The following COL6A5 variants were observed in gnomAD, a reference collection of about 807,000 sequenced individuals.
The protein encoded by COL6A5 is collagen type VI alpha 5 chain.
COL6A5 carries 48 observed loss-of-function variants against 65.6 expected under a neutral mutation model. The ratio of observed to expected loss-of-function variants is 0.73; its 90% CI spans 0.58 to 0.93. The LOEUF is 0.93. Among genes scored for constraint, COL6A5 ranks in the 40% least tolerant of loss-of-function variants. The pLI, the probability that COL6A5 is intolerant of heterozygous loss-of-function variation, is 0.00. For synonymous variants in COL6A5, 291 were observed against 322.8 expected (o/e 0.90, Z 1.05); for missense variants, 914 against 928.3 (o/e 0.98, Z 0.20).
chr3:130,477,775 C>T (rs1388740375), intron 7 of COL6A5, among the ~76,000 whole-genome samples: 1 of 151,938 alleles, frequency 6.6e-6, no homozygotes, highest in African/African-American at 2.4e-5. Context: ...AATAGGGGTC[C>T]TTTCATTGGA....
At chr3:130,443,955 G>A (rs997212039) in intron 4 of COL6A5, among the ~76,000 whole-genome samples, 1 of 152,068 alleles carries the variant, frequency 6.6e-6, no homozygotes, top group Non-Finnish European at 1.5e-5. Context: ...TGGGACTCTT[G>A]CTCCATTCGG....
chr3:130,453,519 T>C (rs1709497669), intron 4 of COL6A5, among the ~76,000 whole-genome samples: 1 of 152,128 alleles, frequency 6.6e-6, no homozygotes, highest in African/African-American at 2.4e-5. Flanking sequence ...CTACATATGA[T>C]TCATGTTTCA....
At chr3:130,375,450 C>G (rs935883435) in intron 2 of COL6A5, among the ~76,000 whole-genome samples, 2 of 152,130 alleles carry the variant, frequency 1.3e-5, no homozygotes, top group African/African-American at 4.8e-5. Context: ...CTGCTTGTTC[C>G]CTGTCCTATC....
At chr3:130,408,101 A>G (rs532389336) in intron 17 of COL6A5, among the ~76,000 whole-genome samples, 1 of 152,304 alleles carries the variant, frequency 6.6e-6, no homozygotes, top group Non-Finnish European at 1.5e-5. Context: ...AAGACAGGAT[A>G]ACAGCGATTT....
chr3:130,476,225 A>G (rs995763459), intron 7 of COL6A5, among the ~76,000 whole-genome samples: 1 of 152,030 alleles, frequency 6.6e-6, no homozygotes, highest in Non-Finnish European at 1.5e-5. Flanking sequence ...TCCTCACATG[A>G]TAGAAAGAGG....
At chr3:130,349,544 C>G (rs1934625554) in intron 1 of COL6A5, among the ~76,000 whole-genome samples, 1 of 152,094 alleles carries the variant, frequency 6.6e-6, no homozygotes, top group Non-Finnish European at 1.5e-5. Context: ...AATCAGAAAA[C>G]ACAAAAATTT....
At chr3:130,424,080 G>A (rs1182600347) in intron 29 of COL6A5, among the ~76,000 whole-genome samples, 180 bp downstream of exon 29, 2 of 152,058 alleles carry the variant, frequency 1.3e-5, no homozygotes, top group Admixed American at 6.6e-5. Flanking sequence ...GACATATTCT[G>A]TCCTAACTAC....
intron 16 of COL6A5, 40 bp downstream of exon 16, chr3:130,406,215 G>T: frequency 6.5e-7 from 1 of 1,549,322 alleles, no homozygotes; most frequent in Non-Finnish European, 8.7e-7. Flanking sequence ...ACTGTCATGA[G>T]GTTGCTAAAA....
At chr3:130,421,350 C>A (rs776292131) in exon 27 of COL6A5, 1 of 1,550,458 alleles carries the variant, frequency 6.4e-7, no homozygotes, top group Admixed American at 2.0e-5. Context: ...CCTGGAGATG[C>A]GGGGCAGAAG....
At chr3:130,470,607 G>A (rs76464675) in intron 6 of COL6A5, among the ~76,000 whole-genome samples, 4,820 of 152,014 alleles carry the variant, frequency 0.032, 112 homozygotes, top group South Asian at 0.097. Flanking sequence ...AGAAAGAAAT[G>A]ATAGAAAGAA....
At chr3:130,383,897 C>T (rs1009054481) in intron 4 of COL6A5, among the ~76,000 whole-genome samples, 11 of 151,874 alleles carry the variant, frequency 7.2e-5, no homozygotes, top group Admixed American at 2.0e-4. Context: ...TGTGCCAGGC[C>T]TACTGGGCAG....
chr3:130,413,682 G>A lies in COL6A5; in HGVS notation c.4698+102G>A, dbSNP rs775967086. 39 of 1,189,060 alleles carry A rather than the reference G, an allele frequency of 3.3e-5. No homozygotes were observed. In the South Asian group the frequency reaches 4.7e-4, roughly 14 times the overall value. The allele number at this position is 1,189,060 out of a possible 1,614,324, so 73.7% of individuals were successfully genotyped here. A position where few individuals can be genotyped will look rare whatever the true frequency, so the allele number is the denominator to read the frequency against. On this transcript the variant is annotated intron_variant and NMD_transcript_variant, in intron 21 of 41. Coordinates refer to the COL6A5 transcript ENST00000312481. ...TCATATCAATGAGCATTTTACAAGG[G>A]TATAGGAAGTGCCCAGTACTGGACG...
intron 18 of COL6A5, 114 bp downstream of exon 18, chr3:130,409,502 G>A: frequency 1.2e-6 from 1 of 852,838 alleles, no homozygotes; most frequent in South Asian, 2.1e-5. Context: ...CTTAGGAGTA[G>A]GGGTGATAGG....
Position 130,405,020 on chromosome 3 carries a change from T to C in COL6A5, c.4282-568T>C, listed in dbSNP as rs144543331. Among the ~76,000 whole-genome samples, 526 of 152,350 alleles carry C rather than the reference T, an allele frequency of 3.5e-3. 5 individuals carry two copies. Among genetic ancestry groups the C allele is most frequent in the African/African-American group, 0.012 (503 of 41,586 alleles). ...TATTTCCTTGGAGAAGCAAGGTTGG[T>C]GGGAGACACACAAATCATTGACCTT... On this transcript the variant is annotated intron_variant and NMD_transcript_variant, in intron 13 of 41. Coordinates refer to the COL6A5 transcript ENST00000312481.
intron 5 of COL6A5, among the ~76,000 whole-genome samples, chr3:130,456,526 C>T (rs932253040): frequency 2.0e-5 from 3 of 152,066 alleles, no homozygotes; most frequent in African/African-American, 7.2e-5. Flanking sequence ...GTACCCCGTT[C>T]TCCATGATGT....
At chr3:130,470,609 TAGAA>T (rs1709925271) in intron 6 of COL6A5, among the ~76,000 whole-genome samples, 1 of 151,886 alleles carries the variant, frequency 6.6e-6, no homozygotes, top group African/African-American at 2.4e-5. Flanking sequence ...AAAGAAATGA[TAGAA>T]AGAATTTAGA....
intron 20 of COL6A5, 150 bp downstream of exon 20, chr3:130,410,674 A>G: frequency 1.6e-6 from 1 of 637,860 alleles, no homozygotes; most frequent in Non-Finnish European, 2.7e-6. Context: ...TTTGGGGCCA[A>G]TAATTATTTC....
At chr3:130,440,713 G>C (rs1709160893) in exon 3 of COL6A5, 3 of 1,613,230 alleles carry the variant, frequency 1.9e-6, no homozygotes, top group African/African-American at 1.3e-5. Context: ...ATGACATGGA[G>C]GAGTTAGCCA....
chr3:130,398,188 T>A, intron 10 of COL6A5, 77 bp downstream of exon 10: 3 of 954,836 alleles, frequency 3.1e-6, no homozygotes, highest in Non-Finnish European at 3.1e-6. Context: ...TGGAGTGCAG[T>A]GGCACGATCT....
Sources: allele counts gnomAD v4.1 joint callset (sites outside exome capture counted in the v4.1 genomes callset), GRCh38; gene constraint gnomAD v4.1.1; transcripts MANE v1.5; gene names NCBI Gene and HGNC (gene_info 2026-07-23, HGNC 2026-07-21).